GOLIM4: variants seen among roughly 807,000 people sequenced by gnomAD.
The protein encoded by GOLIM4 is 130 kDa golgi-localized phosphoprotein.
A neutral mutation model predicts 107.4 loss-of-function variants in GOLIM4; 71 were observed. That is an observed-to-expected ratio of 0.66 (90% CI 0.55 to 0.81). The LOEUF (loss-of-function observed/expected upper bound fraction) is 0.81, where lower values mean the gene tolerates loss of function less well. Ranked by LOEUF, GOLIM4 falls within the 30% of genes least tolerant of loss-of-function variation. The pLI is 0.00. For synonymous variants in GOLIM4, 327 were observed against 294.8 expected (o/e 1.11, Z -1.12); for missense variants, 830 against 826.1 (o/e 1.00, Z -0.06).
At chr3:168,022,955 A>G (rs1337348249) in intron 14 of GOLIM4, among the ~76,000 whole-genome samples, 1 of 151,910 alleles carries the variant, frequency 6.6e-6, no homozygotes, top group Non-Finnish European at 1.5e-5. Context: ...AGCCAGGGCA[A>G]CCTCCTCTGT....
intron 14 of GOLIM4, among the ~76,000 whole-genome samples, chr3:168,019,277 T>C (rs549738975): frequency 6.6e-6 from 1 of 152,352 alleles, no homozygotes; most frequent in Non-Finnish European, 1.5e-5. Flanking sequence ...GCTATTTCAA[T>C]ATTGCCACAC....
In GOLIM4 at chr3:168,056,204, C is replaced by T. The variant is rs546750203; in HGVS notation, c.188-7839G>A. ...CAACATAGAGCTTGGGCTATGGCTT[C>T]AGAAGGTGCAAGTCCCAAGCCTTGG... is the stretch of plus-strand genomic sequence containing the variant. On this transcript the variant is annotated intron_variant, in intron 1 of 15. Coordinates refer to ENST00000470487, the MANE Select transcript of GOLIM4 (RefSeq NM_014498.5). Among the ~76,000 whole-genome samples, 8 of 152,364 alleles carry T rather than the reference C, an allele frequency of 5.3e-5. No homozygotes were observed. In the South Asian group the frequency reaches 1.2e-3, roughly 24 times the overall value.
At chr3:168,081,044 A>G (rs1163419620) in intron 1 of GOLIM4, among the ~76,000 whole-genome samples, 1 of 152,190 alleles carries the variant, frequency 6.6e-6, no homozygotes, top group Non-Finnish European at 1.5e-5. Context: ...AGACAAGCTA[A>G]AGATGCTACC....
At chr3:168,026,934 C>T (rs1275270073) in intron 12 of GOLIM4, among the ~76,000 whole-genome samples, 1 of 152,192 alleles carries the variant, frequency 6.6e-6, no homozygotes, top group African/African-American at 2.4e-5. Flanking sequence ...GCTCATGTGA[C>T]ATAGCACAGA....
At chr3:168,025,732 G>A (rs1717959470) in intron 12 of GOLIM4, among the ~76,000 whole-genome samples, 1 of 152,190 alleles carries the variant, frequency 6.6e-6, no homozygotes, top group Non-Finnish European at 1.5e-5. Context: ...GAGTTAAAAA[G>A]GGCTGAGCTA....
chr3:168,027,024 G>A (rs145222421), intron 12 of GOLIM4, among the ~76,000 whole-genome samples: 17 of 152,294 alleles, frequency 1.1e-4, no homozygotes, highest in African/African-American at 3.4e-4. Flanking sequence ...AATCATCTAC[G>A]CATACACGCA....
intron 1 of GOLIM4, among the ~76,000 whole-genome samples, chr3:168,079,933 A>G (rs576625791): frequency 1.1e-4 from 17 of 152,286 alleles, no homozygotes; most frequent in African/African-American, 4.1e-4. Flanking sequence ...GTAAAAAAAA[A>G]TCTTTGTCAT....
chr3:168,039,393 A>T (rs1718848660), intron 7 of GOLIM4, among the ~76,000 whole-genome samples: 1 of 151,108 alleles, frequency 6.6e-6, no homozygotes, highest in African/African-American at 2.4e-5. Flanking sequence ...CCTCCTGGGT[A>T]GCTGGGATTA....
At chr3:168,021,605 G>T (rs1308228659) in intron 14 of GOLIM4, among the ~76,000 whole-genome samples, 1 of 152,116 alleles carries the variant, frequency 6.6e-6, no homozygotes, top group Non-Finnish European at 1.5e-5. Context: ...GGCGGAGGTT[G>T]CAGTGAGCCG....
At chr3:168,075,061 T>C (rs898119105) in intron 1 of GOLIM4, among the ~76,000 whole-genome samples, 85 of 152,206 alleles carry the variant, frequency 5.6e-4, no homozygotes, top group African/African-American at 1.9e-3. Context: ...TCAGTAGAAA[T>C]GTTCCTTTTG....
At chr3:168,046,856 T>C in intron 3 of GOLIM4, 94 bp downstream of exon 3, 1 of 631,234 alleles carries the variant, frequency 1.6e-6, no homozygotes. Flanking sequence ...GATCAAAAAG[T>C]AAAAGAGTTC....
chr3:168,082,664 T>C (rs1444544018), intron 1 of GOLIM4, among the ~76,000 whole-genome samples: 1 of 152,064 alleles, frequency 6.6e-6, no homozygotes, highest in Non-Finnish European at 1.5e-5. Context: ...TCATTTTGGT[T>C]TTGTCAAAGA....
chr3:168,092,700 G>A (rs965112864), intron 1 of GOLIM4, among the ~76,000 whole-genome samples: 1 of 152,176 alleles, frequency 6.6e-6, no homozygotes, highest in Non-Finnish European at 1.5e-5. Flanking sequence ...ATCTATGCAG[G>A]TGGTACACAG....
chr3:168,095,409 A>G lies in GOLIM4; in HGVS notation c.-124T>C. 3 of 765,488 alleles carry G rather than the reference A, an allele frequency of 3.9e-6. No individual in the cohort carries two copies. The highest frequency in any genetic ancestry group is 6.1e-6 in the Non-Finnish European group (3 of 490,556). 47.4% of individuals were successfully genotyped at this position (765,488 alleles called of 1,614,324 possible). A position where few individuals can be genotyped will look rare whatever the true frequency, so the allele number is the denominator to read the frequency against. On this transcript the variant is annotated 5_prime_UTR_variant, in exon 1 of 16. Coordinates refer to ENST00000470487, the MANE Select transcript of GOLIM4 (RefSeq NM_014498.5). ...GCAGCATGAGGAGGAGATGCCAGACACAAAAGCCGGCCCGGAGGGGAAGTG... is the reference window on the plus strand; with the variant it reads ...GCAGCATGAGGAGGAGATGCCAGACGCAAAAGCCGGCCCGGAGGGGAAGTG...
At chr3:168,056,350 C>T (rs974450955) in intron 1 of GOLIM4, among the ~76,000 whole-genome samples, 5 of 152,242 alleles carry the variant, frequency 3.3e-5, no homozygotes, top group African/African-American at 1.2e-4. Flanking sequence ...GAAGTTTGCT[C>T]AGGGGGAGGG....
rs1200352582 is a variant in GOLIM4, at chr3:168,037,023, G to GGAAT, written c.685-33_685-30dup. ...CATATAAATTGCACAATTTGAGGAG[G>GGAAT]GAATCTATGAATGCCCATTCATAGA... is the stretch of plus-strand genomic sequence containing the variant. On this transcript the variant is annotated intron_variant, in intron 7 of 15. Coordinates refer to ENST00000470487, the MANE Select transcript of GOLIM4 (RefSeq NM_014498.5). 4 of 1,211,606 alleles carry GGAAT rather than the reference G, an allele frequency of 3.3e-6. No homozygotes were observed. The East Asian group carries it at 9.4e-5, about 29-fold the overall frequency. The allele number at this position is 1,211,606 out of a possible 1,614,324, so 75.1% of individuals were successfully genotyped here.
At chr3:168,059,251 T>G (rs2108265954) in intron 1 of GOLIM4, among the ~76,000 whole-genome samples, 2 of 152,306 alleles carry the variant, frequency 1.3e-5, no homozygotes, top group South Asian at 4.1e-4. Flanking sequence ...ACTCAAGTAT[T>G]AACCCCTAAA....
intron 14 of GOLIM4, among the ~76,000 whole-genome samples, chr3:168,014,443 C>A (rs1187429938): frequency 7.6e-6 from 1 of 131,346 alleles, no homozygotes; most frequent in Non-Finnish European, 1.5e-5. Flanking sequence ...GGATTCACAG[C>A]CGAATTCTAC....
rs1717886435 is a variant in GOLIM4 at position 168,024,487 on chromosome 3, G to GACCAATCTT, written c.1860+38_1860+39insAAGATTGGT. 5 of 1,360,002 alleles carry GACCAATCTT rather than the reference G, an allele frequency of 3.7e-6. No individual in the cohort carries two copies. In the Admixed American group the frequency reaches 6.7e-5, roughly 18 times the overall value. 84.2% of individuals were successfully genotyped at this position (1,360,002 alleles called of 1,614,324 possible). A position where few individuals can be genotyped will look rare whatever the true frequency, so the allele number is the denominator to read the frequency against. On this transcript the variant is annotated intron_variant, in intron 14 of 15. Transcript: ENST00000470487. ...TTGTTTAAGGTTAGTGTGTGTGACA[G>GACCAATCTT]ACCAATCTGATCAGTCTCTGGGATT...
Sources: allele counts gnomAD v4.1 joint callset (sites outside exome capture counted in the v4.1 genomes callset), GRCh38; gene constraint gnomAD v4.1.1; transcripts MANE v1.5; gene names NCBI Gene and HGNC (gene_info 2026-07-23, HGNC 2026-07-21).